The following CSMD1 variants were observed in gnomAD, a reference collection of about 807,000 sequenced individuals.
CSMD1 encodes CUB and Sushi multiple domains 1, also known as CUB and sushi domain-containing protein 1.
Under a neutral mutation model 417.5 loss-of-function variants are expected in CSMD1, and 213 were observed. That is an observed-to-expected ratio of 0.51 (90% CI 0.46 to 0.57). The LOEUF (loss-of-function observed/expected upper bound fraction) is 0.57. CSMD1 is among the 20% of genes least tolerant of loss of function. The pLI is 0.00. For missense variants in CSMD1, 6,923 were observed against 4,529.7 expected, an observed-to-expected ratio of 1.53 and a Z score of -15.17; for synonymous variants, 2,862 against 1,736.8, an observed-to-expected ratio of 1.65 and a Z score of -16.11.
intron 5 of CSMD1, among the ~76,000 whole-genome samples, chr8:3,797,310 G>C (rs983313438): frequency 1.3e-5 from 2 of 151,876 alleles, no homozygotes; most frequent in East Asian, 1.9e-4. Flanking sequence ...ACATGTCTTT[G>C]TTATATAATT....
chr8:3,963,917 A>C (rs541806577), intron 5 of CSMD1, among the ~76,000 whole-genome samples: 1 of 152,318 alleles, frequency 6.6e-6, no homozygotes, highest in South Asian at 2.1e-4. Flanking sequence ...TTGTATCCCA[A>C]ATTTCCTCCC....
chr8:4,533,766 T>G (rs1796955837), intron 2 of CSMD1, among the ~76,000 whole-genome samples: 1 of 151,902 alleles, frequency 6.6e-6, no homozygotes, highest in Non-Finnish European at 1.5e-5. Flanking sequence ...AGTGGGAGTA[T>G]TTTAATAAAA....
chr8:3,474,394 T>A (rs1817289383), intron 11 of CSMD1, among the ~76,000 whole-genome samples: 1 of 152,252 alleles, frequency 6.6e-6, no homozygotes, highest in African/African-American at 2.4e-5. Flanking sequence ...TTCCTGACAA[T>A]GTTTTCTTGG....
At position 4,346,163 on chromosome 8, in the gene CSMD1, T is replaced by C. The variant is rs75793428; in HGVS notation, c.415+73790A>G. On this transcript the variant is annotated intron_variant, in intron 3 of 69. Transcript: ENST00000635120. ...CCAAACTCTCCATGCTGGTCAACTA[T>C]GGTTAACAATCAAATATGGCCTGCT... Among the ~76,000 whole-genome samples, 133 of 152,270 alleles carry C rather than the reference T, an allele frequency of 8.7e-4. 1 individual carries two copies. Among genetic ancestry groups the C allele is most frequent in the Non-Finnish European group, 1.7e-3 (114 of 68,014 alleles).
intron 5 of CSMD1, among the ~76,000 whole-genome samples, chr8:3,940,175 G>T (rs890707301): frequency 1.8e-4 from 28 of 151,970 alleles, no homozygotes; most frequent in African/African-American, 6.8e-4. Context: ...TTTCAAACAT[G>T]AAAGATCTCA....
chr8:4,967,497 C>A lies in CSMD1; in HGVS notation c.85+26835G>T, dbSNP rs576753188. 3.3e-5 allele frequency among the ~76,000 whole-genome samples: 5 copies of A among 152,286 alleles called. No individual in the cohort carries two copies. The South Asian group carries it at 1.0e-3, about 32-fold the overall frequency. ...ATTAGGTGTTCTATGTACACACTCT[C>A]ATGAAATTACTATTCCATACCTATC... On this transcript the variant is annotated intron_variant, in intron 1 of 69. Coordinates refer to ENST00000635120, the MANE Select transcript of CSMD1 (RefSeq NM_033225.6).
At chr8:2,978,352 T>A (rs958548337) in intron 55 of CSMD1, among the ~76,000 whole-genome samples, 1 of 152,138 alleles carries the variant, frequency 6.6e-6, no homozygotes, top group African/African-American at 2.4e-5. Flanking sequence ...GATAAAGGCA[T>A]CATTGTCCAA....
chr8:4,416,494 AG>A (rs1217857314), intron 3 of CSMD1, among the ~76,000 whole-genome samples: 2 of 152,180 alleles, frequency 1.3e-5, no homozygotes, highest in East Asian at 1.9e-4. Flanking sequence ...TTTAGACTTT[AG>A]AACCAAAATA....
chr8:3,966,514 C>T (rs566097486), intron 5 of CSMD1, among the ~76,000 whole-genome samples: 120 of 152,208 alleles, frequency 7.9e-4, no homozygotes, highest in African/African-American at 2.8e-3. Flanking sequence ...GAATCAGTTC[C>T]TGGGAGAAAA....
At chr8:3,424,214 G>T (rs1469054650) in intron 12 of CSMD1, among the ~76,000 whole-genome samples, 1 of 152,100 alleles carries the variant, frequency 6.6e-6, no homozygotes, top group Non-Finnish European at 1.5e-5. Context: ...AAGCTCATTT[G>T]TATCTAAGAG....
At chr8:3,453,320 G>A (rs1411882309) in intron 12 of CSMD1, among the ~76,000 whole-genome samples, 1 of 151,866 alleles carries the variant, frequency 6.6e-6, no homozygotes, top group South Asian at 2.1e-4. Context: ...GTTCACTTCT[G>A]CTCTGATCTT....
At chr8:4,216,344 C>A (rs1563288315) in intron 3 of CSMD1, among the ~76,000 whole-genome samples, 1 of 152,146 alleles carries the variant, frequency 6.6e-6, no homozygotes, top group Non-Finnish European at 1.5e-5. Flanking sequence ...TTTCAGTTCC[C>A]TTGATCTCAT....
At chr8:4,298,702 A>G (rs1274811939) in intron 3 of CSMD1, among the ~76,000 whole-genome samples, 1 of 152,146 alleles carries the variant, frequency 6.6e-6, no homozygotes, top group Non-Finnish European at 1.5e-5. Flanking sequence ...GGCTACTCTG[A>G]TACTAAATCA....
intron 3 of CSMD1, among the ~76,000 whole-genome samples, chr8:4,323,021 C>T (rs1055503832): frequency 6.6e-6 from 1 of 152,130 alleles, no homozygotes; most frequent in African/African-American, 2.4e-5. Context: ...AAATAAAATG[C>T]AGCAGGAATC....
chr8:3,627,297 T>C (rs1796540550), intron 7 of CSMD1, among the ~76,000 whole-genome samples: 1 of 152,128 alleles, frequency 6.6e-6, no homozygotes, highest in African/African-American at 2.4e-5. Context: ...TGCAAGACAC[T>C]TGGGAGAAGT....
At chr8:4,029,098 G>A (rs1046749926) in intron 4 of CSMD1, among the ~76,000 whole-genome samples, 2 of 152,108 alleles carry the variant, frequency 1.3e-5, no homozygotes. Context: ...CACATTAAAT[G>A]GTCAAGGAGT....
chr8:4,365,600 T>C (rs1221821077), intron 3 of CSMD1, among the ~76,000 whole-genome samples: 1 of 152,216 alleles, frequency 6.6e-6, no homozygotes, highest in Non-Finnish European at 1.5e-5. Flanking sequence ...CTGGTTTCTG[T>C]CTTTGTACTT....
chr8:4,379,020 C>T (rs915932389), intron 3 of CSMD1, among the ~76,000 whole-genome samples: 2 of 152,094 alleles, frequency 1.3e-5, no homozygotes, highest in Admixed American at 6.6e-5. Flanking sequence ...AAAGTATCTT[C>T]TTCAAAATAT....
chr8:3,141,434 C>T (rs1818470447), intron 41 of CSMD1, among the ~76,000 whole-genome samples: 1 of 152,146 alleles, frequency 6.6e-6, no homozygotes, highest in African/African-American at 2.4e-5. Flanking sequence ...TGGCCCTTTC[C>T]CGAAAAGACC....
Sources: allele counts gnomAD v4.1 joint callset (sites outside exome capture counted in the v4.1 genomes callset), GRCh38; gene constraint gnomAD v4.1.1; transcripts MANE v1.5; gene names NCBI Gene and HGNC (gene_info 2026-07-23, HGNC 2026-07-21).